EML1: variants seen among roughly 807,000 people sequenced by gnomAD.
EML1 encodes EMAP like 1.
A neutral mutation model predicts 110.4 loss-of-function variants in EML1; 27 were observed. The ratio of observed to expected loss-of-function variants is 0.24; its 90% CI spans 0.18 to 0.34. The LOEUF (loss-of-function observed/expected upper bound fraction) is 0.34. Among genes scored for constraint, EML1 ranks in the 10% least tolerant of loss-of-function variants. The pLI is 1.00. For missense variants in EML1, 741 were observed against 1,030.9 expected (o/e 0.72, Z 3.85); for synonymous variants, 344 against 385.8 (o/e 0.89, Z 1.27).
At chr14:99,805,670 C>T (rs1334092865) in intron 1 of EML1, among the ~76,000 whole-genome samples, 2 of 151,832 alleles carry the variant, frequency 1.3e-5, no homozygotes, top group East Asian at 3.9e-4. Context: ...GAAATGGGGT[C>T]TCGATTTGTT....
At chr14:99,772,475 A>G (rs1273041150), upstream of EML1, among the ~76,000 whole-genome samples, 2 of 152,234 alleles carry the variant, frequency 1.3e-5, no homozygotes, top group African/African-American at 4.8e-5. Context: ...ACCACCACAA[A>G]GAGGGCTGCC....
At chr14:99,854,966 A>G (rs1384803354) in intron 2 of EML1, among the ~76,000 whole-genome samples, 1 of 152,164 alleles carries the variant, frequency 6.6e-6, no homozygotes, top group Non-Finnish European at 1.5e-5. Context: ...AAGGGAATTC[A>G]TTGCAGCACT....
chr14:99,846,443 C>G (rs1367362787), intron 1 of EML1, among the ~76,000 whole-genome samples: 1 of 151,890 alleles, frequency 6.6e-6, no homozygotes, highest in East Asian at 2.0e-4. Context: ...CCACCATGCC[C>G]AGCTAATTTT....
intron 1 of EML1, among the ~76,000 whole-genome samples, chr14:99,843,428 A>G (rs2058662668): frequency 6.6e-6 from 1 of 152,156 alleles, no homozygotes; most frequent in Non-Finnish European, 1.5e-5. Context: ...TATTGGAAAC[A>G]ACAATAGTAA....
In EML1 at chr14:99,793,507, C is replaced by T. The variant is rs1265939463; in HGVS notation, c.31C>T (p.Leu11=). ...GGACGGCTTCTCCAGCTACAGCAGC[C>T]TGTACGACACGTCCTCGCTGCTCCA... MEDGFSSYSS[L]YDTSSLLQFC... Residue 11 remains leucine, a synonymous_variant, in exon 1 of 22, where the codon CTG becomes TTG. Transcript: ENST00000262233. 3.8e-6 allele frequency: 4 copies of T among 1,051,546 alleles called. No individual in the cohort carries two copies. Among genetic ancestry groups the T allele is most frequent in the Non-Finnish European group, 3.5e-6 (3 of 867,956 alleles). 65.1% of individuals were successfully genotyped at this position (1,051,546 alleles called of 1,614,324 possible). A position where few individuals can be genotyped will look rare whatever the true frequency, so the allele number is the denominator to read the frequency against.
chr14:99,941,522 A>G lies in EML1; in HGVS notation c.*1410A>G, dbSNP rs1268464602. Reference sequence around the variant, plus strand: ...TGTCAAATATATTCTATAATGAAATAAAATCTGAAAAGTGGATTTCTTATT... The same window carrying G: ...TGTCAAATATATTCTATAATGAAATGAAATCTGAAAAGTGGATTTCTTATT... On this transcript the variant is annotated 3_prime_UTR_variant, in exon 22 of 22. Transcript: ENST00000262233. 6.6e-6 allele frequency: 1 copy of G among 152,264 alleles called. No individual in the cohort carries two copies. The highest frequency in any genetic ancestry group is 1.5e-5 in the Non-Finnish European group (1 of 68,046). The allele number at this position is 152,264 out of a possible 1,614,324, so 9.4% of individuals were successfully genotyped here. A position where few individuals can be genotyped will look rare whatever the true frequency, so the allele number is the denominator to read the frequency against.
At position 99,905,147 on chromosome 14, in the gene EML1, A is replaced by T. The variant is rs960396945; in HGVS notation, c.1009-2491A>T. ...CCCTTTCCCTGAGGCGGCCCTAGTGATCCAGCTGGCTGCACCACAGCCCTA... is the reference window on the plus strand; with the variant it reads ...CCCTTTCCCTGAGGCGGCCCTAGTGTTCCAGCTGGCTGCACCACAGCCCTA... On this transcript the variant is annotated intron_variant, in intron 9 of 21. Coordinates refer to ENST00000262233, the MANE Select transcript of EML1 (RefSeq NM_004434.3). The surrounding 1 kb of genome is among the most constrained non-coding windows in gnomAD (Gnocchi z 4.1). Among the ~76,000 whole-genome samples the T allele has an allele frequency of 3.9e-5, 6 of 152,128 alleles. No individual in the cohort carries two copies. Among genetic ancestry groups the T allele is most frequent in the Non-Finnish European group, 8.8e-5 (6 of 68,026 alleles).
Position 99,894,687 on chromosome 14 carries a change from A to G in EML1, c.606A>G (p.Lys202=), listed in dbSNP as rs1338189604. Residue 202 remains lysine, a synonymous_variant, in exon 6 of 22, where the codon AAA becomes AAG. Transcript: ENST00000262233. ...RGRPVTMYMP[K]DQVDSYSLEA... is the part of the protein sequence containing the mutation. ...GCCCTGTTACCATGTACATGCCCAA[A>G]GATCAAGTGGATTCTTACAGCTTGG... 1.4e-5 allele frequency: 23 copies of G among 1,613,786 alleles called. No individual in the cohort carries two copies. Among genetic ancestry groups the G allele is most frequent in the Non-Finnish European group, 1.9e-5 (22 of 1,179,922 alleles).
At chr14:99,794,502 G>C (rs553338097) in intron 1 of EML1, among the ~76,000 whole-genome samples, 1 of 152,152 alleles carries the variant, frequency 6.6e-6, no homozygotes, top group South Asian at 2.1e-4. Flanking sequence ...TTTTGCTATT[G>C]TATTGTGATT....
chr14:99,880,880 G>A (rs1164729398), intron 4 of EML1, among the ~76,000 whole-genome samples: 2 of 152,138 alleles, frequency 1.3e-5, no homozygotes, highest in Admixed American at 6.5e-5. Flanking sequence ...GTAAATGATC[G>A]TCATCCCTGT....
At chr14:99,896,170 AT>A (rs919016244) in intron 6 of EML1, among the ~76,000 whole-genome samples, 33 of 151,892 alleles carry the variant, frequency 2.2e-4, no homozygotes, top group Non-Finnish European at 1.2e-4. Flanking sequence ...GAAAAAAAAA[AT>A]TTTTTTTCAC....
Position 99,905,268 on chromosome 14 carries a change from G to C in EML1, c.1009-2370G>C, listed in dbSNP as rs1048345854. 6.6e-6 allele frequency among the ~76,000 whole-genome samples: 1 copy of C among 152,196 alleles called. No homozygotes were observed. Among genetic ancestry groups the C allele is most frequent in the Admixed American group, 6.5e-5 (1 of 15,282 alleles). On this transcript the variant is annotated intron_variant, in intron 9 of 21. Coordinates refer to ENST00000262233, the MANE Select transcript of EML1 (RefSeq NM_004434.3). This position sits in a 1 kb window ranked among gnomAD's most constrained non-coding sequence, Gnocchi z 4.1. ...ACATAGATATTAGCCATTCAGCTCA[G>C]CACCCAGCACCCAAAATCAAACTGG...
chr14:99,744,537 G>A (rs1017795013), intron 1 of EML1, among the ~76,000 whole-genome samples: 2 of 152,054 alleles, frequency 1.3e-5, no homozygotes. Flanking sequence ...TTTTTCCCCC[G>A]AATTGACCGT....
In EML1 at chr14:99,739,542, A is replaced by C. The variant is rs544796896; in HGVS notation, c.28+1682A>C. ...AGAGGGTCAGCCCAGTTGGGTTGGG[A>C]GGTGGGGCTTGGATTCCAGGCTGGC... is the stretch of plus-strand genomic sequence containing the variant. On this transcript the variant is annotated intron_variant, in intron 1 of 10. Transcript: ENST00000554479. Among the ~76,000 whole-genome samples, 3 of 152,108 alleles carry C rather than the reference A, an allele frequency of 2.0e-5. No individual in the cohort carries two copies. The East Asian group carries it at 5.8e-4, about 30-fold the overall frequency.
At chr14:99,833,518 C>T (rs924947734) in intron 1 of EML1, among the ~76,000 whole-genome samples, 2 of 152,106 alleles carry the variant, frequency 1.3e-5, no homozygotes, top group African/African-American at 4.8e-5. Context: ...CTACAAAAAT[C>T]CTGCTGGGAT....
intron 1 of EML1, among the ~76,000 whole-genome samples, chr14:99,798,217 C>T (rs1343755895): frequency 6.6e-6 from 1 of 152,116 alleles, no homozygotes; most frequent in East Asian, 1.9e-4. Context: ...CATCTTCTAG[C>T]TCTTAAGACG....
chr14:99,883,129 C>T (rs1208230241), intron 4 of EML1: 2 of 152,222 alleles, frequency 1.3e-5, no homozygotes, highest in Admixed American at 1.3e-4. Flanking sequence ...GCTCCTCATT[C>T]CCTTTTGTGC....
At chr14:99,773,762 C>G (rs532874624) in exon 1 of EML1, 1 of 152,382 alleles carries the variant, frequency 6.6e-6, no homozygotes, top group Non-Finnish European at 1.5e-5. Context: ...CGCCGCTCCC[C>G]CTCCCCGGCC....
At chr14:99,748,347 G>A (rs2140169405) in intron 1 of EML1, among the ~76,000 whole-genome samples, 1 of 152,322 alleles carries the variant, frequency 6.6e-6, no homozygotes, top group South Asian at 2.1e-4. Flanking sequence ...CGGTTTCTGG[G>A]AGGAAAAGGG....
Sources: allele counts gnomAD v4.1 joint callset (sites outside exome capture counted in the v4.1 genomes callset), GRCh38; gene constraint gnomAD v4.1.1; non-coding constraint Gnocchi (gnomAD v3.1); transcripts MANE v1.5; gene names NCBI Gene and HGNC (gene_info 2026-07-23, HGNC 2026-07-21).